Variants in PLEKHG4B observed in about 807,000 individuals in gnomAD.
PLEKHG4B encodes the protein pleckstrin homology domain-containing family G member 4B.
Under a neutral mutation model 121.3 loss-of-function variants are expected in PLEKHG4B, and 111 were observed. The observed-to-expected ratio is 0.92, with a 90% confidence interval of 0.78 to 1.07. The LOEUF is 1.07. Ranked by LOEUF, PLEKHG4B falls within the 50% of genes least tolerant of loss-of-function variation. PLEKHG4B has a pLI of 0.00. For missense variants in PLEKHG4B, 1,831 were observed against 1,757.8 expected (o/e 1.04, Z -0.74); for synonymous variants, 738 against 725.0 (o/e 1.02, Z -0.29).
intron 13 of PLEKHG4B, among the ~76,000 whole-genome samples, chr5:166,751 C>G (rs1736366479): frequency 7.9e-5 from 12 of 152,186 alleles, no homozygotes; most frequent in Admixed American, 7.9e-4. Context: ...TCCTCACACC[C>G]TGATCATAGG....
chr5:124,175 A>G (rs1183703394), intron 2 of PLEKHG4B, among the ~76,000 whole-genome samples: 1 of 151,956 alleles, frequency 6.6e-6, no homozygotes, highest in Non-Finnish European at 1.5e-5. Context: ...TTGACTTCCA[A>G]CTTCATCCCT....
intron 11 of PLEKHG4B, 30 bp from the exon 12 acceptor site, chr5:161,753 T>C (rs1298310330): frequency 6.2e-7 from 1 of 1,613,118 alleles, no homozygotes; most frequent in South Asian, 1.1e-5. Context: ...AGCACCGGGC[T>C]TGTACTGATG....
At chr5:141,379 G>A (rs760609823) in intron 3 of PLEKHG4B, among the ~76,000 whole-genome samples, 3 of 148,706 alleles carry the variant, frequency 2.0e-5, no homozygotes, top group African/African-American at 5.0e-5. Flanking sequence ...GTTCCCCTCC[G>A]AGGACCGGGG....
chr5:148,736 T>C (rs1477403661), intron 6 of PLEKHG4B, among the ~76,000 whole-genome samples: 2 of 152,180 alleles, frequency 1.3e-5, no homozygotes, highest in Non-Finnish European at 2.9e-5. Flanking sequence ...CTGAAATTCA[T>C]AGGGAATCTC....
intron 14 of PLEKHG4B, among the ~76,000 whole-genome samples, chr5:170,440 C>A (rs1579322258): frequency 6.6e-6 from 1 of 152,060 alleles, no homozygotes; most frequent in East Asian, 1.9e-4. Flanking sequence ...GTAGCTGGGA[C>A]TACAGGCGCC....
Position 143,210 on chromosome 5 carries a change from G to C in PLEKHG4B, c.1641G>C (p.Leu547=), listed in dbSNP as rs768253328. 1 of 1,611,262 alleles carries C rather than the reference G, an allele frequency of 6.2e-7. No individual in the cohort carries two copies. Among genetic ancestry groups the C allele is most frequent in the South Asian group, 1.1e-5 (1 of 91,086 alleles). Reference sequence around the variant, plus strand: ...CCAGCCAGGTGCCCAAGCAGGTGCTGGACGTCAGTCAGGAGCTGCTGCAGT... The same window carrying C: ...CCAGCCAGGTGCCCAAGCAGGTGCTCGACGTCAGTCAGGAGCTGCTGCAGT... ...DFPSQVPKQV[L]DVSQELLQSG... The change falls in exon 4 of 20, where the codon CTG becomes CTC. Residue 547 remains leucine (L), a synonymous_variant. Transcript: ENST00000637938.
chr5:139,359 C>G lies in PLEKHG4B; in HGVS notation c.244-124C>G, dbSNP rs917635582. On this transcript the variant is annotated intron_variant, in intron 2 of 19. Transcript: ENST00000637938. The surrounding 1 kb of genome is among the most constrained non-coding windows in gnomAD (Gnocchi z 5.0). ...CCAAGGAACAGGACACCCCAGCCCC[C>G]GTGAGACCCCTTCCTTGTGGGAGCT... is the stretch of plus-strand genomic sequence containing the variant. 33 of 398,166 alleles carry G rather than the reference C, an allele frequency of 8.3e-5. No homozygotes were observed. The Middle Eastern group carries it at 1.9e-3, about 22-fold the overall frequency. 24.7% of individuals were successfully genotyped at this position (398,166 alleles called of 1,614,324 possible).
intron 6 of PLEKHG4B, 63 bp downstream of exon 6, chr5:144,983 G>A: frequency 6.8e-7 from 1 of 1,475,196 alleles, no homozygotes. Context: ...TGTTGCTGGG[G>A]CTGCCCACAT....
chr5:149,535 CG>C (rs1365996255), intron 6 of PLEKHG4B, among the ~76,000 whole-genome samples: 5 of 148,544 alleles, frequency 3.4e-5, no homozygotes, highest in Non-Finnish European at 7.4e-5. Flanking sequence ...AGAGAGACCC[CG>C]TCTCAAAAAA....
chr5:139,278 A>G lies in PLEKHG4B; in HGVS notation c.244-205A>G. Reference sequence around the variant, plus strand: ...AGCTATACAATTGCTTTTTTAACTGACCCCTGAACCAAAGAGCAGCCCGTG... The same window carrying G: ...AGCTATACAATTGCTTTTTTAACTGGCCCCTGAACCAAAGAGCAGCCCGTG... On this transcript the variant is annotated intron_variant, in intron 2 of 19. Coordinates refer to ENST00000637938, the MANE Select transcript of PLEKHG4B (RefSeq NM_052909.5). This position sits in a 1 kb window ranked among gnomAD's most constrained non-coding sequence, Gnocchi z 5.0. Among the ~76,000 whole-genome samples, 1 of 152,194 alleles carries G rather than the reference A, an allele frequency of 6.6e-6. No individual in the cohort carries two copies. The highest frequency in any genetic ancestry group is 1.9e-4 in the East Asian group (1 of 5,178).
intron 1 of PLEKHG4B, among the ~76,000 whole-genome samples, chr5:109,608 G>A (rs1035842524): frequency 2.0e-5 from 3 of 152,300 alleles, no homozygotes; most frequent in South Asian, 2.1e-4. Flanking sequence ...GTGGAGCTGC[G>A]AGCCAGGGAG....
chr5:98,424 G>GGTT (rs1560891752), intron 1 of PLEKHG4B, among the ~76,000 whole-genome samples: 1 of 80,870 alleles, frequency 1.2e-5, no homozygotes, highest in African/African-American at 4.6e-5. Context: ...GTTTACTGTA[G>GGTT]CTTTTTTTTT....
At chr5:122,436 T>TA (rs1734496967) in intron 2 of PLEKHG4B, among the ~76,000 whole-genome samples, 1 of 149,722 alleles carries the variant, frequency 6.7e-6, no homozygotes, top group Admixed American at 6.6e-5. Context: ...TTTATTTATT[T>TA]TTAGATGGAG....
At position 156,032 on chromosome 5, in the gene PLEKHG4B, G is replaced by T; in HGVS notation, c.2209-39G>T. 1 of 1,500,970 alleles carries T rather than the reference G, an allele frequency of 6.7e-7. No homozygotes were observed. Among genetic ancestry groups the T allele is most frequent in the Non-Finnish European group, 9.0e-7 (1 of 1,116,896 alleles). The allele number at this position is 1,500,970 out of a possible 1,614,324, so 93.0% of individuals were successfully genotyped here. A position where few individuals can be genotyped will look rare whatever the true frequency, so the allele number is the denominator to read the frequency against. On this transcript the variant is annotated intron_variant, in intron 9 of 19. Coordinates refer to ENST00000637938, the MANE Select transcript of PLEKHG4B (RefSeq NM_052909.5). This position sits in a 1 kb window ranked among gnomAD's most constrained non-coding sequence, Gnocchi z 4.4. Reference sequence around the variant, plus strand: ...CACTTGGGAGGACCTGCCCCTTGGAGGAGGGAGTTAAAGGCTTATTCCTCC... The same window carrying T: ...CACTTGGGAGGACCTGCCCCTTGGATGAGGGAGTTAAAGGCTTATTCCTCC...
Position 98,094 on chromosome 5 carries a change from A to C in PLEKHG4B, c.45+5818A>C, listed in dbSNP as rs1226820603. On this transcript the variant is annotated intron_variant, in intron 1 of 19. Coordinates refer to ENST00000637938, the MANE Select transcript of PLEKHG4B (RefSeq NM_052909.5). ...TTATCTATATTTTCTTTTGTTGCTC[A>C]TGCTTTCAGTGACATATTTAAGAAT... Among the ~76,000 whole-genome samples the C allele has an allele frequency of 3.3e-5, 5 of 152,154 alleles. No individual in the cohort carries two copies. In the East Asian group the frequency reaches 9.6e-4, roughly 29 times the overall value.
intron 2 of PLEKHG4B, among the ~76,000 whole-genome samples, chr5:134,242 A>G (rs595745): frequency 6.6e-6 from 1 of 151,272 alleles, no homozygotes; most frequent in Non-Finnish European, 1.5e-5. Context: ...CAGACATTGT[A>G]TGTTCTCATT....
At chr5:109,258 G>C (rs1289544027) in intron 1 of PLEKHG4B, among the ~76,000 whole-genome samples, 1 of 152,062 alleles carries the variant, frequency 6.6e-6, no homozygotes, top group Non-Finnish European at 1.5e-5. Context: ...GGCGCGGTTA[G>C]TGGTGGTACA....
At chr5:170,453 C>A (rs1408595247) in intron 14 of PLEKHG4B, among the ~76,000 whole-genome samples, 1 of 152,134 alleles carries the variant, frequency 6.6e-6, no homozygotes, top group African/African-American at 2.4e-5. Flanking sequence ...CAGGCGCCGC[C>A]ACCACGCCCG....
At chr5:144,998 G>A (rs1560927288) in intron 6 of PLEKHG4B, 78 bp downstream of exon 6, 8 of 1,354,990 alleles carry the variant, frequency 5.9e-6, no homozygotes, top group South Asian at 1.2e-5. Flanking sequence ...CCACATCGTG[G>A]TTCTGGAGTA....
Sources: gnomAD v4.1 joint callset for allele counts (sites outside exome capture counted in the v4.1 genomes callset) on GRCh38, gnomAD v4.1.1 for gene constraint, Gnocchi (gnomAD v3.1) non-coding constraint, MANE v1.5 for transcripts, NCBI Gene and HGNC (gene_info 2026-07-23, HGNC 2026-07-21) for gene names.